Variants in LRRC1 observed in about 807,000 individuals in gnomAD.
LRRC1 encodes leucine-rich repeat-containing protein 1.
In LRRC1, 28 loss-of-function variants were observed where a neutral mutation model predicts 69.9. The ratio of observed to expected loss-of-function variants is 0.40; its 90% confidence interval spans 0.30 to 0.55. The LOEUF (loss-of-function observed/expected upper bound fraction) is 0.55. Ranked by LOEUF, LRRC1 falls within the 20% of genes least tolerant of loss-of-function variation. LRRC1 has a pLI of 0.47. For synonymous variants in LRRC1, 236 were observed against 240.2 expected, an observed-to-expected ratio of 0.98 and a Z score of 0.16; for missense variants, 498 against 609.0, an observed-to-expected ratio of 0.82 and a Z score of 1.92.
intron 1 of LRRC1, among the ~76,000 whole-genome samples, chr6:53,795,998 G>A (rs1238757049): frequency 6.6e-6 from 1 of 152,214 alleles, no homozygotes; most frequent in East Asian, 1.9e-4. Flanking sequence ...GGGGGTGGAC[G>A]CGAGATGGGC....
intron 4 of LRRC1, among the ~76,000 whole-genome samples, chr6:53,889,386 G>T (rs1353550101): frequency 1.3e-5 from 2 of 152,082 alleles, no homozygotes; most frequent in Non-Finnish European, 2.9e-5. Context: ...GAAAACCTAG[G>T]AGGGTTATTA....
chr6:53,869,516 CG>C (rs1766813094), intron 2 of LRRC1, among the ~76,000 whole-genome samples: 1 of 152,158 alleles, frequency 6.6e-6, no homozygotes, highest in Non-Finnish European at 1.5e-5. Flanking sequence ...TGGCACTAAG[CG>C]GTTTTCTTAG....
chr6:53,800,276 CGAA>C (rs1764438960), intron 1 of LRRC1, among the ~76,000 whole-genome samples: 2 of 99,714 alleles, frequency 2.0e-5, no homozygotes, highest in African/African-American at 4.0e-5. Flanking sequence ...TTTTTTGAGA[CGAA>C]GTCTCTCTGT....
intron 2 of LRRC1, among the ~76,000 whole-genome samples, chr6:53,851,451 C>G (rs1220157914): frequency 6.9e-6 from 1 of 144,320 alleles, no homozygotes; most frequent in African/African-American, 2.5e-5. Context: ...AACAGGCAAG[C>G]ATGAAGCAAA....
rs555462002 is a variant in LRRC1, at chr6:53,903,292, G to A, written c.906+545G>A. ...ACTTGGAAGTGGAGGGGACTGGAGG[G>A]GTCCTCTACCTGGACCAGGCTCCCA... On this transcript the variant is annotated intron_variant, in intron 9 of 13. Transcript: ENST00000370888. Among the ~76,000 whole-genome samples the A allele has an allele frequency of 3.3e-5, 5 of 152,136 alleles. No homozygotes were observed. The South Asian group carries it at 1.0e-3, about 32-fold the overall frequency.
chr6:53,890,759 T>TA lies in LRRC1; in HGVS notation c.447-5738dup, dbSNP rs534205023. ...TTTGATGCTGAAAGAGTAGAAGTAT[T>TA]ATGAATGTATAAGCAACTCCCCATT... On this transcript the variant is annotated intron_variant, in intron 4 of 13. Coordinates refer to ENST00000370888, the MANE Select transcript of LRRC1 (RefSeq NM_018214.5). 4.6e-3 allele frequency among the ~76,000 whole-genome samples: 699 copies of TA among 152,310 alleles called. 18 individuals are homozygous for TA. Among genetic ancestry groups the TA allele is most frequent in the Non-Finnish European group, 7.8e-4 (53 of 68,034 alleles).
At chr6:53,858,807 A>C (rs150934654) in intron 2 of LRRC1, among the ~76,000 whole-genome samples, 96 of 152,338 alleles carry the variant, frequency 6.3e-4, no homozygotes, top group Middle Eastern at 3.4e-3. Context: ...ATGTAGATAA[A>C]GTTAATCTCA....
chr6:53,830,508 A>T (rs1765396307), intron 1 of LRRC1, among the ~76,000 whole-genome samples: 1 of 152,192 alleles, frequency 6.6e-6, no homozygotes, highest in African/African-American at 2.4e-5. Context: ...TGGAGCCAAA[A>T]TGTGGTGATC....
intron 4 of LRRC1, among the ~76,000 whole-genome samples, chr6:53,892,929 A>G (rs1767751075): frequency 6.6e-6 from 1 of 152,236 alleles, no homozygotes. Flanking sequence ...TACAGGAGGT[A>G]GGAGTCTATA....
chr6:53,876,927 C>T (rs1443611278), intron 2 of LRRC1, among the ~76,000 whole-genome samples: 4 of 152,206 alleles, frequency 2.6e-5, no homozygotes, highest in Admixed American at 6.5e-5. Context: ...TCTCGCAGTT[C>T]CACTAGGCAC....
intron 2 of LRRC1, among the ~76,000 whole-genome samples, chr6:53,866,349 A>G (rs1289958875): frequency 6.6e-6 from 1 of 152,184 alleles, no homozygotes; most frequent in Non-Finnish European, 1.5e-5. Context: ...GTTTGACTGT[A>G]TTTAATGAAG....
At chr6:53,803,331 T>A (rs1581840018) in intron 1 of LRRC1, among the ~76,000 whole-genome samples, 1 of 152,230 alleles carries the variant, frequency 6.6e-6, no homozygotes, top group East Asian at 1.9e-4. Context: ...GGCTTCTCAC[T>A]GTGCTCACTG....
intron 2 of LRRC1, among the ~76,000 whole-genome samples, chr6:53,865,667 A>C (rs1416846031): frequency 6.6e-6 from 1 of 151,178 alleles, no homozygotes; most frequent in Non-Finnish European, 1.5e-5. Context: ...ATGCAGTTAC[A>C]TGTTTTTTAA....
intron 1 of LRRC1, among the ~76,000 whole-genome samples, chr6:53,829,595 G>T (rs1391167334): frequency 6.6e-6 from 1 of 152,166 alleles, no homozygotes; most frequent in Non-Finnish European, 1.5e-5. Flanking sequence ...GTCTCTCCCT[G>T]GTTGGTGCTA....
chr6:53,889,668 A>T (rs1767612373), intron 4 of LRRC1, among the ~76,000 whole-genome samples: 1 of 152,006 alleles, frequency 6.6e-6, no homozygotes, highest in Non-Finnish European at 1.5e-5. Context: ...ATGAGTATGA[A>T]TTTTCTTTTC....
intron 2 of LRRC1, among the ~76,000 whole-genome samples, chr6:53,875,053 T>A (rs543160308): frequency 1.3e-5 from 2 of 152,294 alleles, no homozygotes; most frequent in South Asian, 4.1e-4. Flanking sequence ...GGAGGAGAGA[T>A]GTTGAATACG....
rs78494770 is a variant in LRRC1, at chr6:53,819,715, A to G, written c.160-22395A>G. On this transcript the variant is annotated intron_variant, in intron 1 of 13. Coordinates refer to ENST00000370888, the MANE Select transcript of LRRC1 (RefSeq NM_018214.5). The stretch of plus-strand genomic sequence containing the variant: ...TCTATATAAATTCATCTTCAGTTAA[A>G]TATTTTTTCTAGTTCATTTATTTTG... Among the ~76,000 whole-genome samples the G allele has an allele frequency of 7.4e-3, 1,132 of 152,232 alleles. 21 individuals are homozygous for G. Among genetic ancestry groups the G allele is most frequent in the African/African-American group, 0.025 (1,055 of 41,538 alleles).
chr6:53,819,567 C>G (rs1765056022), intron 1 of LRRC1, among the ~76,000 whole-genome samples: 1 of 152,080 alleles, frequency 6.6e-6, no homozygotes. Context: ...TAAAAAACCT[C>G]CACTTTGTGG....
At chr6:53,812,500 C>T (rs1469218917) in intron 1 of LRRC1, among the ~76,000 whole-genome samples, 46 of 151,728 alleles carry the variant, frequency 3.0e-4, no homozygotes, top group Non-Finnish European at 6.2e-4. Flanking sequence ...ACCATCCTGG[C>T]TAACACGGTG....
Sources: allele counts gnomAD v4.1 joint callset (sites outside exome capture counted in the v4.1 genomes callset), GRCh38; gene constraint gnomAD v4.1.1; transcripts MANE v1.5; gene names NCBI Gene and HGNC (gene_info 2026-07-23, HGNC 2026-07-21).